ROMO1: variants seen among roughly 807,000 people sequenced by gnomAD.
The protein encoded by ROMO1 is reactive oxygen species modulator 1.
ROMO1 carries 8 observed loss-of-function variants against 7.4 expected under a neutral mutation model. That is an observed-to-expected ratio of 1.08 (90% confidence interval 0.63 to 1.95). ROMO1 has a LOEUF of 1.95. Among genes scored for constraint, ROMO1 ranks in the 30% most tolerant of loss-of-function variants. The pLI, the probability that ROMO1 is intolerant of heterozygous loss-of-function variation, is 0.00. For missense variants in ROMO1, 91 were observed against 115.9 expected, an observed-to-expected ratio of 0.79 and a Z score of 0.99; for synonymous variants, 43 against 41.4, an observed-to-expected ratio of 1.04 and a Z score of -0.15.
intron 2 of ROMO1, 116 bp from the exon 3 acceptor site, chr20:35,700,682 G>A: frequency 1.3e-6 from 1 of 766,688 alleles, no homozygotes; most frequent in South Asian, 1.5e-5. Flanking sequence ...TCCAGTAAGT[G>A]GAAAATCAGA....
At position 35,699,873 on chromosome 20, in the gene ROMO1, C is replaced by T. The variant is rs1234643944; in HGVS notation, c.131+110C>T. ...TCCTTCTTTCGACTTCCCTCTCTGT[C>T]CCCTCGCGAGCCAGACTCATTCCAA... On this transcript the variant is annotated intron_variant, in intron 2 of 2. Transcript: ENST00000374077. The surrounding 1 kb of genome is among the most constrained non-coding windows in gnomAD (Gnocchi z 4.4). 7.2e-7 allele frequency: 1 copy of T among 1,395,070 alleles called. No homozygotes were observed. Among genetic ancestry groups the T allele is most frequent in the Non-Finnish European group, 9.6e-7 (1 of 1,040,448 alleles). 86.4% of individuals were successfully genotyped at this position (1,395,070 alleles called of 1,614,324 possible).
At position 35,700,859 on chromosome 20, in the gene ROMO1, G is replaced by A. The variant is rs749056787; in HGVS notation, c.193G>A (p.Gly65Ser). The A allele has an allele frequency of 6.1e-5, 99 of 1,614,066 alleles. No individual in the cohort carries two copies. The highest frequency in any genetic ancestry group is 7.4e-5 in the Non-Finnish European group (87 of 1,180,036). The change falls in exon 3 of 3, where the codon GGC becomes AGC. Residue 65 changes from glycine (G) to serine (S), a missense_variant. Physicochemically the swap from Gly to Ser is moderately conservative, Grantham distance 56. Transcript: ENST00000374077. ...GIGKTMMQSG[G>S]TFGTFMAIGM... is the part of the protein sequence containing the mutation. Reference sequence around the variant, plus strand: ...TGGGAAAACCATGATGCAGAGTGGCGGCACCTTTGGCACATTCATGGCCAT... The same window carrying A: ...TGGGAAAACCATGATGCAGAGTGGCAGCACCTTTGGCACATTCATGGCCAT...
rs747731034 is a variant in ROMO1, at chr20:35,700,929, TC to T, written c.*26del. 6.6e-7 allele frequency: 1 copy of T among 1,517,128 alleles called. No homozygotes were observed. The allele number at this position is 1,517,128 out of a possible 1,614,324, so 94.0% of individuals were successfully genotyped here. A position where few individuals can be genotyped will look rare whatever the true frequency, so the allele number is the denominator to read the frequency against. On this transcript the variant is annotated 3_prime_UTR_variant, in exon 3 of 3. Transcript: ENST00000374077. ...TAACCATGGTTGCCAACTACATCTG[TC>T]CCTTCCCATCAATCCCAGCCCATGT... is the stretch of plus-strand genomic sequence containing the variant.
At position 35,699,902 on chromosome 20, in the gene ROMO1, A is replaced by G; in HGVS notation, c.131+139A>G. 1 of 1,132,736 alleles carries G rather than the reference A, an allele frequency of 8.8e-7. No homozygotes were observed. The highest frequency in any genetic ancestry group is 1.2e-6 in the Non-Finnish European group (1 of 817,784). The allele number at this position is 1,132,736 out of a possible 1,614,324, so 70.2% of individuals were successfully genotyped here. A position where few individuals can be genotyped will look rare whatever the true frequency, so the allele number is the denominator to read the frequency against. ...TCGCGAGCCAGACTCATTCCAAACC[A>G]CCTTCAATCTGTAAAGTCAGGTTGG... On this transcript the variant is annotated intron_variant, in intron 2 of 2. Coordinates refer to ENST00000374077, the MANE Select transcript of ROMO1 (RefSeq NM_080748.3). The surrounding 1 kb of genome is among the most constrained non-coding windows in gnomAD (Gnocchi z 4.4).
chr20:35,699,498 G>GT lies in ROMO1; in HGVS notation c.-1+43dup, dbSNP rs2035211500. 1 of 1,333,600 alleles carries GT rather than the reference G, an allele frequency of 7.5e-7. No homozygotes were observed. Among genetic ancestry groups the GT allele is most frequent in the Non-Finnish European group, 1.0e-6 (1 of 968,512 alleles). 82.6% of individuals were successfully genotyped at this position (1,333,600 alleles called of 1,614,324 possible). A position where few individuals can be genotyped will look rare whatever the true frequency, so the allele number is the denominator to read the frequency against. ...GCGGGGCCGGAACGCGAAGAGGGTG[G>GT]TGGAGTCGGGCTACCCACTGATTTT... On this transcript the variant is annotated intron_variant, in intron 1 of 2. Transcript: ENST00000374077. The surrounding 1 kb of genome is among the most constrained non-coding windows in gnomAD (Gnocchi z 4.4).
rs1157455859 is a variant in ROMO1, at chr20:35,699,694, T to A, written c.62T>A (p.Met21Lys). The change falls in exon 2 of 3, where the codon ATG (methionine) becomes AAG (lysine). Residue 21 changes from methionine (M) to lysine (K), a missense_variant. Physicochemically the swap from Met to Lys is moderately conservative, Grantham distance 95 (BLOSUM62 -1). Coordinates refer to ENST00000374077, the MANE Select transcript of ROMO1 (RefSeq NM_080748.3). This position sits in a 1 kb window ranked among gnomAD's most constrained non-coding sequence, Gnocchi z 4.4. ...SQPSCFDRVK[M>K]GFVMGCAVGM... ...CCAAGCTGCTTCGACCGTGTCAAAATGGGCTTCGTGATGGGTTGCGCCGTG... is the reference window on the plus strand; with the variant it reads ...CCAAGCTGCTTCGACCGTGTCAAAAAGGGCTTCGTGATGGGTTGCGCCGTG... 1 of 1,613,746 alleles carries A rather than the reference T, an allele frequency of 6.2e-7. No homozygotes were observed. The highest frequency in any genetic ancestry group is 1.1e-5 in the South Asian group (1 of 91,086).
rs2035250603 is a variant in ROMO1 at position 35,700,786 on chromosome 20, T to C, written c.132-12T>C. 7.4e-6 allele frequency: 12 copies of C among 1,612,498 alleles called. No homozygotes were observed. Among genetic ancestry groups the C allele is most frequent in the African/African-American group, 4.0e-5 (3 of 74,910 alleles). On this transcript the variant is annotated splice_polypyrimidine_tract_variant and intron_variant, in intron 2 of 2. Transcript: ENST00000374077. ...TTGTTACCAAATAGCTCCATCTTGG[T>C]TTCCTCCTCAGGATCGGAATGCGGG...
intron 2 of ROMO1, among the ~76,000 whole-genome samples, chr20:35,700,075 A>C (rs556017396): frequency 7.2e-5 from 11 of 152,292 alleles, no homozygotes; most frequent in African/African-American, 2.6e-4. Context: ...GAGTTGTAAA[A>C]ATTCGATCAG....
rs1164306141 is a variant in ROMO1 at position 35,699,885 on chromosome 20, CAG to C, written c.131+124_131+125del. ...CTTCCCTCTCTGTCCCCTCGCGAGC[CAG>C]ACTCATTCCAAACCACCTTCAATCT... On this transcript the variant is annotated intron_variant, in intron 2 of 2. Coordinates refer to ENST00000374077, the MANE Select transcript of ROMO1 (RefSeq NM_080748.3). The surrounding 1 kb of genome is among the most constrained non-coding windows in gnomAD (Gnocchi z 4.4). The C allele has an allele frequency of 7.6e-7, 1 of 1,310,926 alleles. No homozygotes were observed. Among genetic ancestry groups the C allele is most frequent in the Non-Finnish European group, 1.0e-6 (1 of 970,574 alleles). The allele number at this position is 1,310,926 out of a possible 1,614,324, so 81.2% of individuals were successfully genotyped here.
Position 35,699,583 on chromosome 20 carries a change from G to C in ROMO1, c.1-50G>C. The C allele has an allele frequency of 6.2e-7, 1 of 1,604,506 alleles. No individual in the cohort carries two copies. Among genetic ancestry groups the C allele is most frequent in the Non-Finnish European group, 8.5e-7 (1 of 1,179,208 alleles). On this transcript the variant is annotated intron_variant, in intron 1 of 2. Coordinates refer to ENST00000374077, the MANE Select transcript of ROMO1 (RefSeq NM_080748.3). This position sits in a 1 kb window ranked among gnomAD's most constrained non-coding sequence, Gnocchi z 4.4. ...TTCCCAGCCTACCGCTTCCGTCCCC[G>C]CCCGACTCTTGGGCCAGCGCCTGGG...
rs756139322 is a variant in ROMO1 at position 35,699,691 on chromosome 20, A to G, written c.59A>G (p.Lys20Arg). ...CAGCCAAGCTGCTTCGACCGTGTCA[A>G]AATGGGCTTCGTGATGGGTTGCGCC... Reference protein sequence around the residue: ...QSQPSCFDRVKMGFVMGCAVG... With the variant: ...QSQPSCFDRVRMGFVMGCAVG... Residue 20 changes from lysine to arginine, a missense_variant, in exon 2 of 3, where the codon AAA becomes AGA. Lys to Arg is a conservative substitution (Grantham distance 26, BLOSUM62 2). Transcript: ENST00000374077. This position sits in a 1 kb window ranked among gnomAD's most constrained non-coding sequence, Gnocchi z 4.4. 6.2e-7 allele frequency: 1 copy of G among 1,613,802 alleles called. No individual in the cohort carries two copies. Among genetic ancestry groups the G allele is most frequent in the Admixed American group, 1.7e-5 (1 of 60,022 alleles).
intron 2 of ROMO1, among the ~76,000 whole-genome samples, chr20:35,700,389 T>C (rs1011787705): frequency 6.6e-6 from 1 of 152,202 alleles, no homozygotes; most frequent in Non-Finnish European, 1.5e-5. Context: ...GAGATGCCCA[T>C]TTTACACTTG....
Position 35,700,846 on chromosome 20 carries a change from G to C in ROMO1, c.180G>C (p.Met60Ile). The stretch of plus-strand genomic sequence containing the variant: ...TGATGGGCGGCATTGGGAAAACCAT[G>C]ATGCAGAGTGGCGGCACCTTTGGCA... Reference protein sequence around the residue: ...RELMGGIGKTMMQSGGTFGTF... With the variant: ...RELMGGIGKTIMQSGGTFGTF... Residue 60 changes from methionine to isoleucine, a missense_variant, in exon 3 of 3, where the codon ATG becomes ATC. By Grantham distance (10) the Met-to-Ile change is conservative. Transcript: ENST00000374077. The C allele has an allele frequency of 6.2e-7, 1 of 1,614,234 alleles. No homozygotes were observed. The highest frequency in any genetic ancestry group is 1.1e-5 in the South Asian group (1 of 91,088).
At position 35,699,596 on chromosome 20, in the gene ROMO1, G is replaced by A; in HGVS notation, c.1-37G>A. ...GCTTCCGTCCCCGCCCGACTCTTGG[G>A]CCAGCGCCTGGGCCCACACTTTCCT... is the stretch of plus-strand genomic sequence containing the variant. On this transcript the variant is annotated intron_variant, in intron 1 of 2. Coordinates refer to ENST00000374077, the MANE Select transcript of ROMO1 (RefSeq NM_080748.3). The surrounding 1 kb of genome is among the most constrained non-coding windows in gnomAD (Gnocchi z 4.4). The A allele has an allele frequency of 6.2e-7, 1 of 1,607,914 alleles. No homozygotes were observed.
Position 35,699,647 on chromosome 20 carries a change from G to T in ROMO1, c.15G>T (p.Val5=). The T allele has an allele frequency of 1.2e-6, 2 of 1,613,366 alleles. No homozygotes were observed. The change falls in exon 2 of 3, where the codon GTG becomes GTT. Residue 5 remains valine (V), a synonymous_variant. Transcript: ENST00000374077. The surrounding 1 kb of genome is among the most constrained non-coding windows in gnomAD (Gnocchi z 4.4). MPVA[V]GPYGQSQPSC... is the part of the protein sequence containing the mutation. ...ATCCCCCGCAGATGCCGGTGGCCGT[G>T]GGTCCCTACGGACAGTCCCAGCCAA...
chr20:35,700,552 G>A (rs1337870192), intron 2 of ROMO1, among the ~76,000 whole-genome samples: 1 of 152,116 alleles, frequency 6.6e-6, no homozygotes, highest in Non-Finnish European at 1.5e-5. Context: ...ATTTTACACT[G>A]CATCTGCTGC....
rs1487547336 is a variant in ROMO1 at position 35,700,942 on chromosome 20, A to G, written c.*36A>G. The G allele has an allele frequency of 6.4e-6, 9 of 1,411,104 alleles. No homozygotes were observed. Among genetic ancestry groups the G allele is most frequent in the Admixed American group, 1.7e-5 (1 of 59,796 alleles). The allele number at this position is 1,411,104 out of a possible 1,614,324, so 87.4% of individuals were successfully genotyped here. ...CAACTACATCTGTCCCTTCCCATCA[A>G]TCCCAGCCCATGTACTAATAAAAGA... On this transcript the variant is annotated 3_prime_UTR_variant, in exon 3 of 3. Transcript: ENST00000374077.
At position 35,699,645 on chromosome 20, in the gene ROMO1, G is replaced by T. The variant is rs758043684; in HGVS notation, c.13G>T (p.Val5Leu). The T allele has an allele frequency of 6.2e-7, 1 of 1,613,282 alleles. No homozygotes were observed. The highest frequency in any genetic ancestry group is 2.2e-5 in the East Asian group (1 of 44,864). The change falls in exon 2 of 3, where the codon GTG becomes TTG. Residue 5 changes from valine (V) to leucine (L), a missense_variant. Transcript: ENST00000374077. The surrounding 1 kb of genome is among the most constrained non-coding windows in gnomAD (Gnocchi z 4.4). MPVA[V>L]GPYGQSQPSC... ...CTATCCCCCGCAGATGCCGGTGGCCGTGGGTCCCTACGGACAGTCCCAGCC... is the reference window on the plus strand; with the variant it reads ...CTATCCCCCGCAGATGCCGGTGGCCTTGGGTCCCTACGGACAGTCCCAGCC...
In ROMO1 at chr20:35,699,478, G is replaced by C; in HGVS notation, c.-1+22G>C. The C allele has an allele frequency of 8.0e-7, 1 of 1,246,878 alleles. No individual in the cohort carries two copies. The highest frequency in any genetic ancestry group is 1.1e-6 in the Non-Finnish European group (1 of 904,744). 77.2% of individuals were successfully genotyped at this position (1,246,878 alleles called of 1,614,324 possible). On this transcript the variant is annotated intron_variant, in intron 1 of 2. Coordinates refer to ENST00000374077, the MANE Select transcript of ROMO1 (RefSeq NM_080748.3). The surrounding 1 kb of genome is among the most constrained non-coding windows in gnomAD (Gnocchi z 4.4). ...TGAGGTAGGCGCCGGGCGACGCGGG[G>C]CCGGAACGCGAAGAGGGTGGTGGAG...
Sources: allele counts gnomAD v4.1 joint callset (sites outside exome capture counted in the v4.1 genomes callset), GRCh38; gene constraint gnomAD v4.1.1; non-coding constraint Gnocchi (gnomAD v3.1); transcripts MANE v1.5; gene names NCBI Gene and HGNC (gene_info 2026-07-23, HGNC 2026-07-21).